The following NCOA1 variants were observed in gnomAD, a reference collection of about 807,000 sequenced individuals.
The protein encoded by NCOA1 is Hin-2 protein.
A neutral mutation model predicts 150.9 loss-of-function variants in NCOA1; 35 were observed. That is an observed-to-expected ratio of 0.23 (90% CI 0.18 to 0.31). NCOA1 has a LOEUF of 0.31. NCOA1 is among the 10% of genes least tolerant of loss of function. The pLI is 1.00. For synonymous variants in NCOA1, 590 were observed against 630.0 expected (o/e 0.94, Z 0.95); for missense variants, 1,491 against 1,749.3 (o/e 0.85, Z 2.63).
intron 1 of NCOA1, among the ~76,000 whole-genome samples, chr2:24,496,705 A>G (rs1424200683): frequency 3.3e-5 from 5 of 152,340 alleles, no homozygotes; most frequent in Middle Eastern, 3.4e-3. Flanking sequence ...ATGATCATTT[A>G]GGACAGCCTT....
chr2:24,683,086 G>T lies in NCOA1; in HGVS notation c.490G>T (p.Asp164Tyr), dbSNP rs1306318432. Residue 164 changes from aspartate (D) to tyrosine (Y), a missense_variant, in exon 8 of 23, where the codon GAT becomes TAT. Asp to Tyr is a radical substitution (Grantham distance 160, BLOSUM62 -3). This residue lies in a region of NCOA1 where 80 missense variants were observed against 163.0 expected (regional missense o/e 0.49). Transcript: ENST00000348332. ...CGTCTACAGCATACTGCACGTGGGGGATCATGCAGAATTTGTGAAGAATCT... is the reference window on the plus strand; with the variant it reads ...CGTCTACAGCATACTGCACGTGGGGTATCATGCAGAATTTGTGAAGAATCT... ...TSVYSILHVG[D>Y]HAEFVKNLLP... 1.3e-6 allele frequency: 2 copies of T among 1,579,288 alleles called. No individual in the cohort carries two copies. Among genetic ancestry groups the T allele is most frequent in the Non-Finnish European group, 8.6e-7 (1 of 1,168,342 alleles).
chr2:24,724,576 A>G (rs544003543), intron 14 of NCOA1, among the ~76,000 whole-genome samples: 32 of 152,130 alleles, frequency 2.1e-4, no homozygotes, highest in African/African-American at 7.7e-4. Context: ...TTAGTCACCA[A>G]ACTCAGCATA....
chr2:24,615,503 T>C (rs1233557000), intron 3 of NCOA1, among the ~76,000 whole-genome samples: 2 of 152,228 alleles, frequency 1.3e-5, no homozygotes, highest in Non-Finnish European at 2.9e-5. Flanking sequence ...TTGGCTTCTC[T>C]GCAGGAGATT....
chr2:24,498,688 G>A (rs1415426144), intron 1 of NCOA1, among the ~76,000 whole-genome samples: 2 of 152,194 alleles, frequency 1.3e-5, no homozygotes, highest in African/African-American at 2.4e-5. Context: ...GTGGGAGAGG[G>A]AAGCATATCG....
intron 8 of NCOA1, among the ~76,000 whole-genome samples, chr2:24,685,019 A>G (rs898566482): frequency 1.3e-5 from 2 of 152,126 alleles, no homozygotes; most frequent in Non-Finnish European, 2.9e-5. Context: ...TTCATTATCA[A>G]CCACTGGGGA....
chr2:24,614,875 A>C (rs1466198652), intron 3 of NCOA1, among the ~76,000 whole-genome samples: 1 of 152,272 alleles, frequency 6.6e-6, no homozygotes, highest in Admixed American at 6.5e-5. Flanking sequence ...GTTAGTATTA[A>C]TATTGTTATA....
intron 1 of NCOA1, among the ~76,000 whole-genome samples, chr2:24,513,257 AC>A (rs1055815770): frequency 1.3e-5 from 2 of 152,026 alleles, no homozygotes; most frequent in African/African-American, 4.8e-5. Flanking sequence ...CCTTCTCTGT[AC>A]CCTCTTTCTT....
chr2:24,560,666 A>G (rs1666260780), intron 1 of NCOA1, among the ~76,000 whole-genome samples: 1 of 152,196 alleles, frequency 6.6e-6, no homozygotes, highest in Admixed American at 6.5e-5. Context: ...AGAATGGAAC[A>G]TTCTTGACTG....
At chr2:24,564,805 G>A (rs1666430737) in intron 2 of NCOA1, 4 of 152,132 alleles carry the variant, frequency 2.6e-5, no homozygotes. Flanking sequence ...TAAATTAAGT[G>A]TAGATTAAGT....
chr2:24,602,883 C>T (rs980338267), intron 3 of NCOA1, among the ~76,000 whole-genome samples: 1 of 152,204 alleles, frequency 6.6e-6, no homozygotes, highest in Non-Finnish European at 1.5e-5. Flanking sequence ...TCTTCCTGCA[C>T]TGTTCCCCAG....
At chr2:24,671,062 CAT>C (rs1175523006) in intron 6 of NCOA1, among the ~76,000 whole-genome samples, 7 of 152,102 alleles carry the variant, frequency 4.6e-5, no homozygotes, top group East Asian at 1.9e-4. Context: ...GAAACTGTGA[CAT>C]GTGTACAAAA....
intron 3 of NCOA1, among the ~76,000 whole-genome samples, chr2:24,642,037 T>TGTGTGTGTGC (rs942145000): frequency 0.066 from 9,098 of 138,214 alleles, 339 homozygotes; most frequent in Non-Finnish European, 0.085. Context: ...TGTGTGTGTG[T>TGTGTGTGTGC]GCGCGCGTGC....
chr2:24,628,484 A>T (rs1013221229), intron 3 of NCOA1, among the ~76,000 whole-genome samples: 31 of 152,068 alleles, frequency 2.0e-4, no homozygotes, highest in African/African-American at 7.0e-4. Context: ...GCATATATTA[A>T]TTTTTTTTAA....
chr2:24,673,337 T>C (rs374159488), intron 6 of NCOA1, 29 bp from the exon 7 acceptor site: 77 of 1,416,134 alleles, frequency 5.4e-5, no homozygotes, highest in Admixed American at 2.4e-4. Context: ...TTTTCAGATA[T>C]GTGATTTTTT....
chr2:24,539,447 C>T (rs552297168), intron 1 of NCOA1, among the ~76,000 whole-genome samples: 8 of 152,016 alleles, frequency 5.3e-5, no homozygotes, highest in Non-Finnish European at 8.8e-5. Context: ...AGGGATATTG[C>T]GTGGGGAAAG....
At chr2:24,529,479 C>T (rs1241016345) in intron 1 of NCOA1, among the ~76,000 whole-genome samples, 1 of 152,160 alleles carries the variant, frequency 6.6e-6, no homozygotes, top group Non-Finnish European at 1.5e-5. Context: ...AGGTGTGTGT[C>T]ACCATACTTG....
intron 1 of NCOA1, among the ~76,000 whole-genome samples, chr2:24,538,021 A>G (rs1044940041): frequency 6.6e-6 from 1 of 152,242 alleles, no homozygotes; most frequent in Non-Finnish European, 1.5e-5. Flanking sequence ...TAAGAAATTT[A>G]TCTTGCTTCA....
chr2:24,711,576 G>A (rs914995674), intron 14 of NCOA1: 1 of 152,258 alleles, frequency 6.6e-6, no homozygotes, highest in Non-Finnish European at 1.5e-5. Context: ...ATTAAAGAAT[G>A]TAGTTTAGAT....
At chr2:24,701,265 A>T (rs1253115843) in intron 11 of NCOA1, among the ~76,000 whole-genome samples, 2 of 152,082 alleles carry the variant, frequency 1.3e-5, no homozygotes, top group African/African-American at 4.8e-5. Flanking sequence ...AGCCCTTGGG[A>T]GGCTGAGACA....
Sources: gnomAD v4.1 joint callset for allele counts (sites outside exome capture counted in the v4.1 genomes callset) on GRCh38, gnomAD v4.1.1 for gene constraint, gnomAD v4.1.1 regional missense constraint, MANE v1.5 for transcripts, NCBI Gene and HGNC (gene_info 2026-07-23, HGNC 2026-07-21) for gene names.